The following DAB1 variants were observed in gnomAD, a reference collection of about 807,000 sequenced individuals.
DAB1 encodes the protein DAB adaptor protein 1.
A neutral mutation model predicts 64.6 loss-of-function variants in DAB1; 15 were observed. The observed-to-expected ratio is 0.23, with a 90% CI of 0.16 to 0.36. The LOEUF (loss-of-function observed/expected upper bound fraction) is 0.36, where lower values mean the gene tolerates loss of function less well. Among genes scored for constraint, DAB1 ranks in the 10% least tolerant of loss-of-function variants. DAB1 has a pLI of 1.00. For synonymous variants in DAB1, 235 were observed against 251.9 expected (o/e 0.93, Z 0.64); for missense variants, 596 against 706.7 (o/e 0.84, Z 1.78).
At chr1:58,129,405 C>T (rs1168332892) in intron 5 of DAB1, among the ~76,000 whole-genome samples, 1 of 134,986 alleles carries the variant, frequency 7.4e-6, no homozygotes, top group Non-Finnish European at 1.6e-5. Context: ...TTTCAAAAAA[C>T]CAGCTCCTGG....
At chr1:57,106,239 T>C (rs564287424) in intron 4 of DAB1, among the ~76,000 whole-genome samples, 1 of 134,170 alleles carries the variant, frequency 7.5e-6, no homozygotes, top group Non-Finnish European at 1.5e-5. Flanking sequence ...TTTCCTCCTG[T>C]TCATTTATCC....
chr1:57,154,756 T>G (rs149284412), intron 2 of DAB1, among the ~76,000 whole-genome samples: 2,683 of 152,350 alleles, frequency 0.018, 84 homozygotes, highest in African/African-American at 0.061. Context: ...CGAGATGATA[T>G]CTCATTGTAG....
chr1:58,525,096 A>G (rs1055304929), intron 2 of DAB1, among the ~76,000 whole-genome samples: 4 of 152,184 alleles, frequency 2.6e-5, no homozygotes, highest in Non-Finnish European at 4.4e-5. Context: ...GGCACCATGT[A>G]TGGTCTGTGT....
At chr1:57,968,787 A>C (rs1645729759) in intron 5 of DAB1, among the ~76,000 whole-genome samples, 1 of 152,164 alleles carries the variant, frequency 6.6e-6, no homozygotes, top group African/African-American at 2.4e-5. Context: ...TCCAAGTTTC[A>C]AAGCAGAAAA....
intron 5 of DAB1, among the ~76,000 whole-genome samples, chr1:58,012,641 C>G (rs766838203): frequency 2.0e-5 from 3 of 152,122 alleles, no homozygotes; most frequent in Non-Finnish European, 4.4e-5. Flanking sequence ...CTTGTAAGAA[C>G]AGACACAAGA....
At chr1:58,140,442 A>G (rs906193982) in intron 5 of DAB1, among the ~76,000 whole-genome samples, 1 of 152,206 alleles carries the variant, frequency 6.6e-6, no homozygotes, top group African/African-American at 2.4e-5. Flanking sequence ...AGGATAAAAA[A>G]TCCTTAAAAG....
chr1:58,102,812 T>C (rs1324914559), intron 5 of DAB1, among the ~76,000 whole-genome samples: 1 of 152,218 alleles, frequency 6.6e-6, no homozygotes, highest in East Asian at 1.9e-4. Context: ...TGTCTGAAGC[T>C]AGCATTTCCA....
At chr1:58,458,245 G>A (rs1426753239) in intron 3 of DAB1, among the ~76,000 whole-genome samples, 4 of 152,180 alleles carry the variant, frequency 2.6e-5, no homozygotes, top group African/African-American at 4.8e-5. Context: ...ATATCAGACC[G>A]ACAGAACAGT....
chr1:57,241,065 C>T (rs750301702), intron 2 of DAB1, among the ~76,000 whole-genome samples: 45 of 152,274 alleles, frequency 3.0e-4, no homozygotes, highest in Middle Eastern at 6.8e-3. Flanking sequence ...AGAATGAAAA[C>T]TAGGGATGAG....
intron 7 of DAB1, among the ~76,000 whole-genome samples, chr1:57,440,271 C>A (rs955078215): frequency 1.3e-5 from 2 of 152,186 alleles, no homozygotes; most frequent in African/African-American, 4.8e-5. Flanking sequence ...AGATTGTAAT[C>A]TCTTAGAGTA....
At chr1:57,871,692 G>C (rs1174907407) in intron 1 of DAB1, among the ~76,000 whole-genome samples, 1 of 152,146 alleles carries the variant, frequency 6.6e-6, no homozygotes, top group Admixed American at 6.6e-5. Flanking sequence ...CACAAAGACA[G>C]CTTCTTCAAA....
chr1:57,124,989 C>T (rs940982454), intron 4 of DAB1, among the ~76,000 whole-genome samples: 3 of 145,484 alleles, frequency 2.1e-5, no homozygotes, highest in Non-Finnish European at 3.0e-5. Flanking sequence ...GGAAGAATGG[C>T]GTTAGTAATA....
At chr1:57,045,066 G>A (rs933629885) in intron 9 of DAB1, among the ~76,000 whole-genome samples, 3 of 152,216 alleles carry the variant, frequency 2.0e-5, no homozygotes, top group Non-Finnish European at 2.9e-5. Context: ...GTAAATGACC[G>A]AGCTAGAATT....
chr1:57,525,212 T>C (rs1644576831), intron 7 of DAB1, among the ~76,000 whole-genome samples: 1 of 152,044 alleles, frequency 6.6e-6, no homozygotes, highest in Non-Finnish European at 1.5e-5. Context: ...AAAATCAGTA[T>C]GGAAGAATGG....
chr1:57,102,914 T>C (rs976925211), intron 4 of DAB1, among the ~76,000 whole-genome samples: 1 of 152,116 alleles, frequency 6.6e-6, no homozygotes, highest in African/African-American at 2.4e-5. Flanking sequence ...AGGAAGCTCC[T>C]ATGCAAGAAG....
At chr1:57,526,211 C>T (rs1278173856) in intron 7 of DAB1, among the ~76,000 whole-genome samples, 1 of 152,180 alleles carries the variant, frequency 6.6e-6, no homozygotes, top group African/African-American at 2.4e-5. Context: ...GCTGGCATTA[C>T]AGGCGTGAGC....
intron 9 of DAB1, among the ~76,000 whole-genome samples, chr1:57,034,674 G>A (rs1553131175): frequency 6.6e-6 from 1 of 152,122 alleles, no homozygotes; most frequent in Non-Finnish European, 1.5e-5. Flanking sequence ...CCATGTTCTA[G>A]TCTATGTATA....
At chr1:57,091,146 C>T (rs186015231) in intron 4 of DAB1, among the ~76,000 whole-genome samples, 37 of 152,248 alleles carry the variant, frequency 2.4e-4, no homozygotes, top group Middle Eastern at 3.4e-3. Context: ...TGGGTGTCTG[C>T]TGTGTCACAA....
At position 58,142,316 on chromosome 1, in the gene DAB1, A is replaced by G. The variant is rs1000729520; in HGVS notation, n.387+8195T>C. Among the ~76,000 whole-genome samples, 3 of 152,246 alleles carry G rather than the reference A, an allele frequency of 2.0e-5. No homozygotes were observed. The East Asian group carries it at 5.8e-4, about 29-fold the overall frequency. ...AGCATTAAGCTGGTGTTTCAGAAACAGTTTTCATGGAACAGTGAGCTAAGC... is the reference window on the plus strand; with the variant it reads ...AGCATTAAGCTGGTGTTTCAGAAACGGTTTTCATGGAACAGTGAGCTAAGC... On this transcript the variant is annotated intron_variant and non_coding_transcript_variant, in intron 5 of 20. Transcript: ENST00000485760.
Sources: allele counts gnomAD v4.1 joint callset (sites outside exome capture counted in the v4.1 genomes callset), GRCh38; gene constraint gnomAD v4.1.1; transcripts MANE v1.5; gene names NCBI Gene and HGNC (gene_info 2026-07-23, HGNC 2026-07-21).